Variants in HRH1 observed in about 807,000 individuals in gnomAD.
The protein encoded by HRH1 is histamine receptor H1, also known as histamine H1 receptor.
In HRH1, 6 loss-of-function variants were observed where a neutral mutation model predicts 10.3. That is an observed-to-expected ratio of 0.58 (90% CI 0.32 to 1.15). HRH1 has a LOEUF of 1.15. Among genes scored for constraint, HRH1 ranks in the 50% most tolerant of loss-of-function variants. The pLI is 0.05. For synonymous variants in HRH1, 242 were observed against 236.7 expected, an observed-to-expected ratio of 1.02 and a Z score of -0.21; for missense variants, 514 against 615.3, an observed-to-expected ratio of 0.84 and a Z score of 1.74.
chr3:11,165,644 C>T (rs534122436), intron 1 of HRH1, among the ~76,000 whole-genome samples: 9 of 152,292 alleles, frequency 5.9e-5, no homozygotes, highest in East Asian at 5.8e-4. Flanking sequence ...AGAATCGTTA[C>T]GGTGATCTCA....
intron 1 of HRH1, among the ~76,000 whole-genome samples, chr3:11,177,663 A>G (rs1169929318): frequency 1.3e-5 from 2 of 152,140 alleles, no homozygotes; most frequent in African/African-American, 4.8e-5. Context: ...AATTTATCTT[A>G]AGGCCCCCAG....
At position 11,205,775 on chromosome 3, in the gene HRH1, C is replaced by A. The variant is rs147448830; in HGVS notation, c.-36+51221C>A. Among the ~76,000 whole-genome samples the A allele has an allele frequency of 3.4e-3, 510 of 152,044 alleles. 2 individuals are homozygous for A. The highest frequency in any genetic ancestry group is 0.012 in the African/African-American group (489 of 41,448). On this transcript the variant is annotated intron_variant, in intron 1 of 1. Coordinates refer to ENST00000431010, the MANE Select transcript of HRH1 (RefSeq NM_001098212.2). ...CTCCCAGATTCAAGTGATTCTTCTG[C>A]CTCAGCCTCTTGAGTAGCTGGGACT...
In HRH1 at chr3:11,238,859, G is replaced by T. The variant is rs548765211; in HGVS notation, c.-35-20144G>T. On this transcript the variant is annotated intron_variant, in intron 1 of 1. Coordinates refer to ENST00000431010, the MANE Select transcript of HRH1 (RefSeq NM_001098212.2). ...TTCACCCATGGTGTAGCTTGGAACAGTACTGTGTTTCTTTTTATTGACAAA... is the reference window on the plus strand; with the variant it reads ...TTCACCCATGGTGTAGCTTGGAACATTACTGTGTTTCTTTTTATTGACAAA... Among the ~76,000 whole-genome samples the T allele has an allele frequency of 6.8e-4, 104 of 152,322 alleles. 2 individuals are homozygous for T. The highest frequency in any genetic ancestry group is 1.7e-3 in the Admixed American group (26 of 15,300).
At chr3:11,191,799 A>C (rs1937536840) in intron 1 of HRH1, among the ~76,000 whole-genome samples, 2 of 151,838 alleles carry the variant, frequency 1.3e-5, no homozygotes, top group African/African-American at 4.8e-5. Flanking sequence ...TCACCTAAGA[A>C]ATGTGGGAGC....
intron 1 of HRH1, among the ~76,000 whole-genome samples, chr3:11,187,808 C>CTCTTCTTTCT (rs1245093958): frequency 2.0e-5 from 3 of 152,190 alleles, no homozygotes; most frequent in Non-Finnish European, 4.4e-5. Context: ...TTCTGTCCTG[C>CTCTTCTTTCT]TCTTCTTTCT....
chr3:11,232,653 G>A (rs1939072469), intron 1 of HRH1, among the ~76,000 whole-genome samples: 1 of 152,096 alleles, frequency 6.6e-6, no homozygotes, highest in Admixed American at 6.6e-5. Flanking sequence ...GAAGAGTCTT[G>A]TCTATATCCG....
intron 1 of HRH1, among the ~76,000 whole-genome samples, chr3:11,179,539 G>C (rs1435805354): frequency 6.6e-6 from 1 of 150,644 alleles, no homozygotes; most frequent in Non-Finnish European, 1.5e-5. Context: ...AGAATGGCGT[G>C]AACTCGGGAG....
intron 1 of HRH1, among the ~76,000 whole-genome samples, chr3:11,199,119 C>A (rs1037049185): frequency 3.3e-5 from 5 of 151,992 alleles, no homozygotes; most frequent in Admixed American, 3.3e-4. Context: ...AGGGTTTCAC[C>A]GTGTTGGCCA....
At chr3:11,212,693 C>G (rs1938366578) in intron 1 of HRH1, among the ~76,000 whole-genome samples, 1 of 152,196 alleles carries the variant, frequency 6.6e-6, no homozygotes, top group African/African-American at 2.4e-5. Context: ...TCCACAAGTA[C>G]CTTTCGGCAT....
chr3:11,242,329 A>C (rs1010805814), intron 1 of HRH1, among the ~76,000 whole-genome samples: 10 of 151,944 alleles, frequency 6.6e-5, no homozygotes, highest in African/African-American at 2.4e-4. Flanking sequence ...AAAATTCAAA[A>C]AATTAGCCGG....
chr3:11,217,395 G>A (rs1410624712), intron 1 of HRH1, among the ~76,000 whole-genome samples: 1 of 152,010 alleles, frequency 6.6e-6, no homozygotes, highest in Admixed American at 6.6e-5. Context: ...CCGGCATGAT[G>A]GCAGGTGCCT....
chr3:11,167,798 G>A (rs935516525), intron 1 of HRH1, among the ~76,000 whole-genome samples: 76 of 152,240 alleles, frequency 5.0e-4, no homozygotes, highest in South Asian at 4.1e-4. Context: ...ATGACATCAC[G>A]TGCTCAGCTC....
At chr3:11,157,001 T>C (rs1020304592) in intron 1 of HRH1, among the ~76,000 whole-genome samples, 1 of 152,246 alleles carries the variant, frequency 6.6e-6, no homozygotes. Context: ...TGCTAGACAC[T>C]CAGCAAACGC....
intron 1 of HRH1, among the ~76,000 whole-genome samples, chr3:11,249,917 C>G (rs986564755): frequency 6.6e-6 from 1 of 150,886 alleles, no homozygotes; most frequent in African/African-American, 2.4e-5. Context: ...CAGGGTATAA[C>G]AAGACAAGCA....
chr3:11,235,024 G>A (rs535534611), intron 1 of HRH1, among the ~76,000 whole-genome samples: 7 of 152,122 alleles, frequency 4.6e-5, no homozygotes, highest in African/African-American at 1.7e-4. Context: ...GACCATCCTG[G>A]CTAACACAGT....
At chr3:11,140,237 T>C (rs928060382) in intron 1 of HRH1, among the ~76,000 whole-genome samples, 5 of 152,152 alleles carry the variant, frequency 3.3e-5, no homozygotes, top group African/African-American at 4.8e-5. Flanking sequence ...GTAGTGAAGA[T>C]TGAATGCATT....
chr3:11,209,106 AT>A (rs1295985606), intron 1 of HRH1, among the ~76,000 whole-genome samples: 9 of 152,222 alleles, frequency 5.9e-5, no homozygotes, highest in South Asian at 2.1e-4. Context: ...TGTGATGGTA[AT>A]TTTTTTAAGA....
At chr3:11,197,576 G>A (rs890603008) in intron 1 of HRH1, among the ~76,000 whole-genome samples, 2 of 152,178 alleles carry the variant, frequency 1.3e-5, no homozygotes, top group African/African-American at 4.8e-5. Flanking sequence ...GATGTTTATA[G>A]TGGCCACTCA....
At chr3:11,177,129 A>G (rs927692236) in intron 1 of HRH1, among the ~76,000 whole-genome samples, 13 of 151,866 alleles carry the variant, frequency 8.6e-5, no homozygotes, top group Admixed American at 4.6e-4. Flanking sequence ...AGCCAGGTGC[A>G]GTGGCTCACT....
Sources: allele counts gnomAD v4.1 joint callset (sites outside exome capture counted in the v4.1 genomes callset), GRCh38; gene constraint gnomAD v4.1.1; transcripts MANE v1.5; gene names NCBI Gene and HGNC (gene_info 2026-07-23, HGNC 2026-07-21).